Variants in RASA2 observed in about 807,000 individuals in gnomAD.
RASA2 encodes ras GTPase-activating protein 2.
Under a neutral mutation model 118.2 loss-of-function variants are expected in RASA2, and 155 were observed. That is an observed-to-expected ratio of 1.31 (90% CI 1.15 to 1.50). RASA2 has a LOEUF of 1.50. RASA2 is among the 40% of genes most tolerant of loss of function. The pLI is 0.00. For missense variants in RASA2, 1,016 were observed against 1,009.6 expected (o/e 1.01, Z -0.09); for synonymous variants, 353 against 349.1 (o/e 1.01, Z -0.12).
chr3:141,524,473 C>T (rs572881760), intron 3 of RASA2, among the ~76,000 whole-genome samples: 5 of 152,166 alleles, frequency 3.3e-5, no homozygotes, highest in African/African-American at 1.2e-4. Context: ...TACACTAAGG[C>T]TTCGAAGTGC....
chr3:141,487,197 G>C lies in RASA2; in HGVS notation c.114G>C (p.Gln38His), dbSNP rs1417266649. Residue 38 changes from glutamine to histidine, a missense_variant, in exon 1 of 24, where the codon CAG (glutamine) becomes CAC (histidine). By Grantham distance (24) the Gln-to-His change is conservative (BLOSUM62 0). Coordinates refer to ENST00000286364, the MANE Select transcript of RASA2 (RefSeq NM_006506.5). ...ACAGTCGCGAGGTTCGAGTGTTGCA[G>C]AGCCTGCGGGGCAAGATCTGTAAGC... ...DQDSREVRVL[Q>H]SLRGKICEAK... is the part of the protein sequence containing the mutation. 1 of 1,450,004 alleles carries C rather than the reference G, an allele frequency of 6.9e-7. No individual in the cohort carries two copies. 89.8% of individuals were successfully genotyped at this position (1,450,004 alleles called of 1,614,324 possible).
rs906113779 is a variant in RASA2, at chr3:141,509,124, G to A, written c.134-3039G>A. 2.0e-5 allele frequency among the ~76,000 whole-genome samples: 3 copies of A among 152,122 alleles called. No individual in the cohort carries two copies. The South Asian group carries it at 6.2e-4, about 31-fold the overall frequency. On this transcript the variant is annotated intron_variant, in intron 1 of 23. Transcript: ENST00000286364. ...TTACAGTATCTGACTTAACATATTT[G>A]TACAATTGATTGTTGAGCCGGGCAT...
intron 19 of RASA2, among the ~76,000 whole-genome samples, chr3:141,589,134 C>T (rs566297775): frequency 3.0e-4 from 46 of 152,160 alleles, no homozygotes; most frequent in African/African-American, 9.6e-4. Flanking sequence ...CCAGCGCGCC[C>T]GGCCCAGATA....
chr3:141,516,398 GAT>G lies in RASA2; in HGVS notation c.324_325del (p.Asp108GlufsTer22). 6.4e-7 allele frequency: 1 copy of G among 1,557,110 alleles called. No homozygotes were observed. Among genetic ancestry groups the G allele is most frequent in the Non-Finnish European group, 8.7e-7 (1 of 1,152,378 alleles). On this transcript the variant is annotated frameshift_variant, in exon 3 of 24. Coordinates refer to ENST00000286364, the MANE Select transcript of RASA2 (RefSeq NM_006506.5). LOFTEE classifies it high-confidence loss of function. ...CCAGTATTTGTCTTTCTATGTTTAT[GAT>G]AAGAATGTTTTACAAAGAGATCTCC... ...TFQYLSFYVYDKNVLQRDLRI... is the reference protein window; with the variant it reads ...TFQYLSFYVYXKNVLQRDLRI...
intron 9 of RASA2, among the ~76,000 whole-genome samples, chr3:141,563,270 A>G (rs1211020902): frequency 6.6e-6 from 1 of 152,120 alleles, no homozygotes; most frequent in Non-Finnish European, 1.5e-5. Flanking sequence ...GAAATATTTC[A>G]TTCAAAAACT....
intron 4 of RASA2, among the ~76,000 whole-genome samples, chr3:141,539,295 A>C (rs924452934): frequency 4.6e-4 from 70 of 152,316 alleles, no homozygotes; most frequent in Non-Finnish European, 8.4e-4. Flanking sequence ...ATTTAGTTCC[A>C]GCTCCACGTA....
chr3:141,489,491 C>T (rs1226870128), intron 1 of RASA2, among the ~76,000 whole-genome samples: 1 of 152,094 alleles, frequency 6.6e-6, no homozygotes, highest in African/African-American at 2.4e-5. Context: ...AGGGTGTAAC[C>T]GTGTCAGCTT....
chr3:141,591,700 A>G (rs950838394), intron 19 of RASA2, among the ~76,000 whole-genome samples: 1 of 152,188 alleles, frequency 6.6e-6, no homozygotes, highest in African/African-American at 2.4e-5. Flanking sequence ...ATACACATAT[A>G]CATACACACA....
chr3:141,586,010 C>A lies in RASA2; in HGVS notation c.1753-15C>A. 1.3e-6 allele frequency: 2 copies of A among 1,593,552 alleles called. No individual in the cohort carries two copies. The highest frequency in any genetic ancestry group is 8.6e-7 in the Non-Finnish European group (1 of 1,162,440). On this transcript the variant is annotated splice_polypyrimidine_tract_variant and intron_variant, in intron 17 of 23. Transcript: ENST00000286364. ...CTTATCACACAGTGTAATATTTGCC[C>A]ATTTCCCCATTTAGTTCTTGGATGA...
At chr3:141,554,196 A>C (rs752613019) in intron 6 of RASA2, among the ~76,000 whole-genome samples, 3 of 152,242 alleles carry the variant, frequency 2.0e-5, no homozygotes, top group Non-Finnish European at 4.4e-5. Flanking sequence ...GTTTTATACT[A>C]GTACAATGTA....
At chr3:141,575,485 C>G (rs982283719) in intron 14 of RASA2, among the ~76,000 whole-genome samples, 1 of 152,182 alleles carries the variant, frequency 6.6e-6, no homozygotes, top group African/African-American at 2.4e-5. Flanking sequence ...TACTTAGTAA[C>G]ACACACAGTG....
At chr3:141,513,650 T>G (rs1183066168) in intron 2 of RASA2, among the ~76,000 whole-genome samples, 1 of 152,206 alleles carries the variant, frequency 6.6e-6, no homozygotes, top group African/African-American at 2.4e-5. Flanking sequence ...AAAAGTTTAG[T>G]TTGGTTACAT....
Position 141,573,211 on chromosome 3 carries a change from A to C in RASA2, c.1349A>C (p.Glu450Ala). Reference sequence around the variant, plus strand: ...AAATTGAAAGAGGGAGATAATGTAGAAAATAATAAGGTAAGTCCTTGTTAT... The same window carrying C: ...AAATTGAAAGAGGGAGATAATGTAGCAAATAATAAGGTAAGTCCTTGTTAT... ...PIKLKEGDNVENNKENLRYYV... is the reference protein window; with the variant it reads ...PIKLKEGDNVANNKENLRYYV... Residue 450 changes from glutamate (E) to alanine (A), a missense_variant, in exon 13 of 24, where the codon GAA becomes GCA. Glu to Ala is a moderately radical substitution (Grantham distance 107). Coordinates refer to ENST00000286364, the MANE Select transcript of RASA2 (RefSeq NM_006506.5). 6.5e-7 allele frequency: 1 copy of C among 1,543,526 alleles called. No individual in the cohort carries two copies. The highest frequency in any genetic ancestry group is 8.7e-7 in the Non-Finnish European group (1 of 1,155,214).
At chr3:141,540,662 T>G (rs1016771347) in intron 5 of RASA2, 53 bp downstream of exon 5, 1 of 1,483,874 alleles carries the variant, frequency 6.7e-7, no homozygotes, top group Non-Finnish European at 9.3e-7. Context: ...CATTTTGTAT[T>G]CTTTCGATTT....
chr3:141,613,617 A>T lies in RASA2; in HGVS notation c.*1304A>T, dbSNP rs1389174061. The T allele has an allele frequency of 6.6e-6, 1 of 152,182 alleles. No individual in the cohort carries two copies. The highest frequency in any genetic ancestry group is 1.5e-5 in the Non-Finnish European group (1 of 68,032). The allele number at this position is 152,182 out of a possible 1,614,324, so 9.4% of individuals were successfully genotyped here. A position where few individuals can be genotyped will look rare whatever the true frequency, so the allele number is the denominator to read the frequency against. On this transcript the variant is annotated 3_prime_UTR_variant, in exon 24 of 24. Coordinates refer to ENST00000286364, the MANE Select transcript of RASA2 (RefSeq NM_006506.5). The stretch of plus-strand genomic sequence containing the variant: ...GTACTTTGAACCTTGGAGTATTTAC[A>T]TGTTTCTGTTCAAAACTGTGACTTA...
At position 141,608,795 on chromosome 3, in the gene RASA2, C is replaced by T. The variant is rs1228145209; in HGVS notation, c.2225+98C>T. 6 of 1,306,508 alleles carry T rather than the reference C, an allele frequency of 4.6e-6. No homozygotes were observed. In the East Asian group the frequency reaches 1.5e-4, roughly 32 times the overall value. The allele number at this position is 1,306,508 out of a possible 1,614,324, so 80.9% of individuals were successfully genotyped here. A position where few individuals can be genotyped will look rare whatever the true frequency, so the allele number is the denominator to read the frequency against. On this transcript the variant is annotated intron_variant, in intron 21 of 23. Coordinates refer to ENST00000286364, the MANE Select transcript of RASA2 (RefSeq NM_006506.5). ...CCATGAAAAGGAATGACATACTGAT[C>T]CATGCAACAACAAGGATGGGACCTT...
chr3:141,559,645 C>T (rs1183171716), intron 8 of RASA2, among the ~76,000 whole-genome samples: 2 of 152,080 alleles, frequency 1.3e-5, no homozygotes, highest in Non-Finnish European at 2.9e-5. Context: ...CCTCGACTTT[C>T]AAACTAAGAC....
At chr3:141,490,335 CA>C (rs3075070) in intron 1 of RASA2, among the ~76,000 whole-genome samples, 4,664 of 93,630 alleles carry the variant, frequency 0.05, 80 homozygotes, top group Middle Eastern at 0.094. Flanking sequence ...CTCCTCCCCT[CA>C]AAAAAAAAAA....
At chr3:141,533,677 T>A (rs905539186) in intron 4 of RASA2, among the ~76,000 whole-genome samples, 11 of 152,230 alleles carry the variant, frequency 7.2e-5, no homozygotes, top group African/African-American at 2.7e-4. Flanking sequence ...AATAGTTCTT[T>A]TCAGTTTCAT....
Sources: allele counts gnomAD v4.1 joint callset (sites outside exome capture counted in the v4.1 genomes callset), GRCh38; gene constraint gnomAD v4.1.1; transcripts MANE v1.5; gene names NCBI Gene and HGNC (gene_info 2026-07-23, HGNC 2026-07-21).